The following NLGN2 variants were observed in gnomAD, a reference collection of about 807,000 sequenced individuals.
NLGN2 encodes the protein neuroligin 2.
Under a neutral mutation model 48.6 loss-of-function variants are expected in NLGN2, and 11 were observed. The ratio of observed to expected loss-of-function variants is 0.23; its 90% CI spans 0.14 to 0.37. The LOEUF is 0.37. NLGN2 is among the 10% of genes least tolerant of loss of function. NLGN2 has a pLI of 1.00. For missense variants in NLGN2, 801 were observed against 1,225.2 expected, an observed-to-expected ratio of 0.65 and a Z score of 5.17; for synonymous variants, 548 against 550.0, an observed-to-expected ratio of 1.00 and a Z score of 0.05.
At chr17:7,409,001 A>G (rs1281369812) in intron 1 of NLGN2, among the ~76,000 whole-genome samples, 1 of 152,128 alleles carries the variant, frequency 6.6e-6, no homozygotes, top group South Asian at 2.1e-4. Flanking sequence ...TGTCTCCCCA[A>G]AGAGGCACAG....
At position 7,411,392 on chromosome 17, in the gene NLGN2, C is replaced by T. The variant is rs1479768270; in HGVS notation, c.458-765C>T. Reference sequence around the variant, plus strand: ...TGGAGCGGAGGGCAAGACCTGATGACCCCCTTCCCTGCTTTGCCCACACTG... The same window carrying T: ...TGGAGCGGAGGGCAAGACCTGATGATCCCCTTCCCTGCTTTGCCCACACTG... On this transcript the variant is annotated intron_variant, in intron 1 of 6. Coordinates refer to ENST00000302926, the MANE Select transcript of NLGN2 (RefSeq NM_020795.4). This position sits in a 1 kb window ranked among gnomAD's most constrained non-coding sequence, Gnocchi z 4.5. 6.6e-6 allele frequency among the ~76,000 whole-genome samples: 1 copy of T among 152,162 alleles called. No individual in the cohort carries two copies. The highest frequency in any genetic ancestry group is 1.5e-5 in the Non-Finnish European group (1 of 68,038).
chr17:7,415,514 C>T lies in NLGN2; in HGVS notation c.1041C>T (p.Tyr347=). Residue 347 remains tyrosine, a synonymous_variant, in exon 6 of 7, where the codon TAC becomes TAT. Transcript: ENST00000302926. The stretch of plus-strand genomic sequence containing the variant: ...GACCCTGACCCCTTCTCCCCAGCTA[C>T]CACATCGCCTTTGGGCCCGTGGTGG... ...LVDQDVQPAR[Y]HIAFGPVVDG... 1 of 1,614,186 alleles carries T rather than the reference C, an allele frequency of 6.2e-7. No individual in the cohort carries two copies. The highest frequency in any genetic ancestry group is 8.5e-7 in the Non-Finnish European group (1 of 1,179,974).
upstream of NLGN2, among the ~76,000 whole-genome samples, chr17:7,407,571 G>C (rs1906695692): frequency 6.6e-6 from 1 of 152,122 alleles, no homozygotes; most frequent in African/African-American, 2.4e-5. Flanking sequence ...TTAATGACTT[G>C]GTATTTTTGT....
At position 7,418,775 on chromosome 17, in the gene NLGN2, G is replaced by GC. The variant is rs1400707643; in HGVS notation, c.*982dup. 2.6e-5 allele frequency: 4 copies of GC among 152,484 alleles called. No individual in the cohort carries two copies. Among genetic ancestry groups the GC allele is most frequent in the Non-Finnish European group, 4.4e-5 (3 of 68,132 alleles). The allele number at this position is 152,484 out of a possible 1,614,324, so 9.4% of individuals were successfully genotyped here. On this transcript the variant is annotated 3_prime_UTR_variant, in exon 7 of 7. Coordinates refer to ENST00000302926, the MANE Select transcript of NLGN2 (RefSeq NM_020795.4). Reference sequence around the variant, plus strand: ...TTGGGGGGAGGGGGTGTGGCAACGTGCCCCCCGCAGAGGCCACGCATGTTT... The same window carrying GC: ...TTGGGGGGAGGGGGTGTGGCAACGTGCCCCCCCGCAGAGGCCACGCATGTTT...
chr17:7,417,309 C>A lies in NLGN2; in HGVS notation c.2018C>A (p.Ser673Tyr). 1 of 1,609,404 alleles carries A rather than the reference C, an allele frequency of 6.2e-7. No homozygotes were observed. The highest frequency in any genetic ancestry group is 8.5e-7 in the Non-Finnish European group (1 of 1,178,476). The change falls in exon 7 of 7, where the codon TCC becomes TAC. Residue 673 changes from serine to tyrosine, a missense_variant. Ser to Tyr is a moderately radical substitution (Grantham distance 144, BLOSUM62 -2). Transcript: ENST00000302926. ...DRFPGDSRDY[S>Y]TELSVTVAVG... The stretch of plus-strand genomic sequence containing the variant: ...TTCCCCGGGGACTCACGGGACTACT[C>A]CACGGAGCTGAGCGTCACCGTGGCC...
intron 6 of NLGN2, among the ~76,000 whole-genome samples, 179 bp from the exon 7 acceptor site, chr17:7,416,747 G>A (rs1907115257): frequency 6.6e-6 from 1 of 152,070 alleles, no homozygotes; most frequent in Admixed American, 6.5e-5. Flanking sequence ...TGAAGAGACA[G>A]GCAGTTTCTC....
Position 7,417,053 on chromosome 17 carries a change from C to T in NLGN2, c.1762C>T (p.Arg588Cys), listed in dbSNP as rs994956773. 1 of 1,614,100 alleles carries T rather than the reference C, an allele frequency of 6.2e-7. No homozygotes were observed. The highest frequency in any genetic ancestry group is 8.5e-7 in the Non-Finnish European group (1 of 1,180,026). Residue 588 changes from arginine to cysteine, a missense_variant, in exon 7 of 7, where the codon CGC (arginine) becomes TGC (cysteine). Around this residue, in one of 5 missense-constraint regions of NLGN2, gnomAD observed 303 missense variants for 600.1 expected, o/e 0.50. Coordinates refer to ENST00000302926, the MANE Select transcript of NLGN2 (RefSeq NM_020795.4). ...KQYLHIGLKP[R>C]VRDNYRANKV... ...GTATCTGCACATAGGCCTGAAGCCA[C>T]GCGTGCGTGACAACTACCGCGCCAA...
rs1419329242 is a variant in NLGN2 at position 7,412,188 on chromosome 17, G to A, written c.489G>A (p.Thr163=). 59 of 1,610,974 alleles carry A rather than the reference G, an allele frequency of 3.7e-5. No homozygotes were observed. The highest frequency in any genetic ancestry group is 4.9e-5 in the Non-Finnish European group (58 of 1,178,738). Residue 163 remains threonine (T), a synonymous_variant, in exon 2 of 7, where the codon ACG becomes ACA. Coordinates refer to ENST00000302926, the MANE Select transcript of NLGN2 (RefSeq NM_020795.4). ...TCACAAAAAAACGTGACGAGGCGACGCTCAATCCGCCAGACACAGGTAGAT... is the reference window on the plus strand; with the variant it reads ...TCACAAAAAAACGTGACGAGGCGACACTCAATCCGCCAGACACAGGTAGAT... ...GPLTKKRDEA[T]LNPPDTDIRD... is the part of the protein sequence containing the mutation.
In NLGN2 at chr17:7,417,455, G is replaced by C. The variant is rs754581677; in HGVS notation, c.2164G>C (p.Val722Leu). 1 of 1,565,594 alleles carries C rather than the reference G, an allele frequency of 6.4e-7. No homozygotes were observed. The highest frequency in any genetic ancestry group is 8.6e-7 in the Non-Finnish European group (1 of 1,159,206). ...CCCACCTGGCGGCTCAGGCTCTGGC[G>C]TGCCTGGTGGGGGCCCCCTGCTCCC... ...LSPPGGSGSG[V>L]PGGGPLLPAA... The change falls in exon 7 of 7, where the codon GTG (valine) becomes CTG (leucine). Residue 722 changes from valine to leucine, a missense_variant. Transcript: ENST00000302926.
At chr17:7,410,722 C>T (rs1378260898) in intron 1 of NLGN2, among the ~76,000 whole-genome samples, 1 of 152,236 alleles carries the variant, frequency 6.6e-6, no homozygotes, top group East Asian at 1.9e-4. Context: ...TATTTTTAGC[C>T]ACTGCTGATT....
At position 7,417,723 on chromosome 17, in the gene NLGN2, C is replaced by A; in HGVS notation, c.2432C>A (p.Pro811His). The change falls in exon 7 of 7, where the codon CCC becomes CAC. Residue 811 changes from proline to histidine, a missense_variant. Around this residue, in one of 5 missense-constraint regions of NLGN2, gnomAD observed 276 missense variants for 313.9 expected, o/e 0.88. Transcript: ENST00000302926. ...PPPPSLHPFG[P>H]FPPPPPTATS... ...CCCCCCTCCCTTCATCCCTTCGGGC[C>A]CTTCCCCCCGCCCCCTCCCACCGCC... 1.1e-6 allele frequency: 1 copy of A among 901,280 alleles called. No individual in the cohort carries two copies. The highest frequency in any genetic ancestry group is 1.5e-6 in the Non-Finnish European group (1 of 680,834). The allele number at this position is 901,280 out of a possible 1,614,324, so 55.8% of individuals were successfully genotyped here.
chr17:7,408,197 TTCTC>T lies in NLGN2; in HGVS notation c.-50_-47del. ...GGGGGCCTCCCTCCCTCTCCCCCCC[TTCTC>T]TCTCTCTCCGAGGGGGGGGGGTCCC... On this transcript the variant is annotated 5_prime_UTR_variant, in exon 1 of 7. Coordinates refer to ENST00000302926, the MANE Select transcript of NLGN2 (RefSeq NM_020795.4). The surrounding 1 kb of genome is among the most constrained non-coding windows in gnomAD (Gnocchi z 7.5). 1.1e-6 allele frequency: 1 copy of T among 901,554 alleles called. No individual in the cohort carries two copies. The highest frequency in any genetic ancestry group is 1.5e-6 in the Non-Finnish European group (1 of 670,548). The allele number at this position is 901,554 out of a possible 1,614,324, so 55.8% of individuals were successfully genotyped here.
intron 6 of NLGN2, among the ~76,000 whole-genome samples, chr17:7,416,401 T>TG (rs370310758): frequency 2.6e-5 from 4 of 152,132 alleles, no homozygotes; most frequent in African/African-American, 9.7e-5. Context: ...TCTGCATCTC[T>TG]GGCTGACTGC....
In NLGN2 at chr17:7,417,794, G is replaced by A; in HGVS notation, c.2503G>A (p.Val835Ile). The A allele has an allele frequency of 7.3e-7, 1 of 1,366,680 alleles. No individual in the cohort carries two copies. Among genetic ancestry groups the A allele is most frequent in the South Asian group, 1.8e-5 (1 of 55,016 alleles). 84.7% of individuals were successfully genotyped at this position (1,366,680 alleles called of 1,614,324 possible). The change falls in exon 7 of 7, where the codon GTA (valine) becomes ATA (isoleucine). Residue 835 changes from valine to isoleucine, a missense_variant. By Grantham distance (29) the Val-to-Ile change is conservative. Around this residue, in one of 5 missense-constraint regions of NLGN2, gnomAD observed 276 missense variants for 313.9 expected, o/e 0.88. Transcript: ENST00000302926. ...ACCCCACCCCCACTCCACCACTCGG[G>A]TATAGGGGGTGGGTGGGGAGGCCCT... is the stretch of plus-strand genomic sequence containing the variant. ...TLPHPHSTTR[V>I]
chr17:7,417,094 G>A lies in NLGN2; in HGVS notation c.1803G>A (p.Trp601Ter). 6.2e-7 allele frequency: 1 copy of A among 1,613,408 alleles called. No individual in the cohort carries two copies. Residue 601 changes from tryptophan (W) to a stop codon, truncating the protein, a stop_gained, in exon 7 of 7, where the codon TGG (tryptophan) becomes TGA (stop). Transcript: ENST00000302926. LOFTEE classifies it low-confidence loss of function (END_TRUNC). ...DNYRANKVAF[W>*]LELVPHLHNL... is the part of the protein sequence containing the mutation. ...ACCGCGCCAACAAGGTGGCCTTCTG[G>A]CTGGAGCTCGTGCCCCACCTGCACA...
Position 7,417,688 on chromosome 17 carries a change from ACCCCCACCGCCC to A in NLGN2, c.2401_2412del (p.Pro801_Pro804del). The A allele has an allele frequency of 2.2e-6, 1 of 463,032 alleles. No individual in the cohort carries two copies. The highest frequency in any genetic ancestry group is 2.7e-6 in the Non-Finnish European group (1 of 365,884). The allele number at this position is 463,032 out of a possible 1,614,324, so 28.7% of individuals were successfully genotyped here. On this transcript the variant is annotated inframe_deletion, in exon 7 of 7. Coordinates refer to ENST00000302926, the MANE Select transcript of NLGN2 (RefSeq NM_020795.4). The stretch of plus-strand genomic sequence containing the variant: ...TGCCCAGTGGCCTGGGGCCACCGCC[ACCCCCACCGCCC>A]CCCTCCCTTCATCCCTTCGGGCCCT...
chr17:7,408,167 G>C lies in NLGN2; in HGVS notation c.-89G>C. 3.0e-6 allele frequency: 2 copies of C among 660,846 alleles called. No individual in the cohort carries two copies. Among genetic ancestry groups the C allele is most frequent in the South Asian group, 3.3e-5 (1 of 30,394 alleles). The allele number at this position is 660,846 out of a possible 1,614,324, so 40.9% of individuals were successfully genotyped here. The stretch of plus-strand genomic sequence containing the variant: ...CCCCCCGCCCCTCCTCCCTCCTGGG[G>C]CGAGGGGGGCCTCCCTCCCTCTCCC... On this transcript the variant is annotated 5_prime_UTR_variant, in exon 1 of 7. Transcript: ENST00000302926. The surrounding 1 kb of genome is among the most constrained non-coding windows in gnomAD (Gnocchi z 7.5).
At position 7,408,536 on chromosome 17, in the gene NLGN2, C is replaced by G; in HGVS notation, c.281C>G (p.Pro94Arg). The G allele has an allele frequency of 1.9e-6, 3 of 1,540,376 alleles. No homozygotes were observed. In the South Asian group the frequency reaches 3.6e-5, roughly 18 times the overall value. The change falls in exon 1 of 7, where the codon CCC becomes CGC. Residue 94 changes from proline (P) to arginine (R), a missense_variant. Around this residue, in one of 5 missense-constraint regions of NLGN2, gnomAD observed 164 missense variants for 186.2 expected, o/e 0.88. Coordinates refer to ENST00000302926, the MANE Select transcript of NLGN2 (RefSeq NM_020795.4). The surrounding 1 kb of genome is among the most constrained non-coding windows in gnomAD (Gnocchi z 7.5). ...CCGCCTGAGGCGCCCGCCTCGTGGC[C>G]CGGCGTGCGCAACGCCACCACCCTG... is the stretch of plus-strand genomic sequence containing the variant. ...FQPPEAPASW[P>R]GVRNATTLPP...
At chr17:7,416,378 A>G (rs1345138753) in intron 6 of NLGN2, among the ~76,000 whole-genome samples, 1 of 129,884 alleles carries the variant, frequency 7.7e-6, no homozygotes, top group African/African-American at 2.6e-5. Flanking sequence ...CCCCTGCCCG[A>G]CCCCCCTAGG....
Sources: gnomAD v4.1 joint callset for allele counts (sites outside exome capture counted in the v4.1 genomes callset) on GRCh38, gnomAD v4.1.1 for gene constraint, gnomAD v4.1.1 regional missense constraint, Gnocchi (gnomAD v3.1) non-coding constraint, MANE v1.5 for transcripts, NCBI Gene and HGNC (gene_info 2026-07-23, HGNC 2026-07-21) for gene names.